Variants in GRIK4 observed in about 807,000 individuals in gnomAD.
The protein encoded by GRIK4 is glutamate ionotropic receptor kainate type subunit 4.
GRIK4 carries 40 observed loss-of-function variants against 104.9 expected under a neutral mutation model. The ratio of observed to expected loss-of-function variants is 0.38; its 90% CI spans 0.30 to 0.50. The LOEUF (loss-of-function observed/expected upper bound fraction) is 0.50. Ranked by LOEUF, GRIK4 falls within the 20% of genes least tolerant of loss-of-function variation. The probability of loss-of-function intolerance (pLI) is 0.93; values close to 1 mark genes in which losing one functional copy is unlikely to be tolerated. For synonymous variants in GRIK4, 485 were observed against 524.9 expected, an observed-to-expected ratio of 0.92 and a Z score of 1.04; for missense variants, 1,047 against 1,308.1, an observed-to-expected ratio of 0.80 and a Z score of 3.08.
chr11:120,541,294 T>G (rs887543088), intron 1 of GRIK4, among the ~76,000 whole-genome samples: 1 of 152,230 alleles, frequency 6.6e-6, no homozygotes, highest in East Asian at 1.9e-4. Context: ...AACAGTTATA[T>G]TGGAGCACTT....
intron 3 of GRIK4, among the ~76,000 whole-genome samples, chr11:120,671,572 GTTGT>G (rs1259015336): frequency 4.1e-4 from 63 of 152,098 alleles, no homozygotes; most frequent in African/African-American, 1.5e-3. Context: ...TTTTGATGGG[GTTGT>G]TTGTTTTTTT....
At chr11:120,728,189 T>G (rs1326658281) in intron 3 of GRIK4, among the ~76,000 whole-genome samples, 1 of 152,096 alleles carries the variant, frequency 6.6e-6, no homozygotes, top group South Asian at 2.1e-4. Context: ...AAGTGACATA[T>G]AGGAGAAAGA....
At chr11:120,825,708 C>T (rs1036896153) in intron 6 of GRIK4, among the ~76,000 whole-genome samples, 9 of 152,204 alleles carry the variant, frequency 5.9e-5, no homozygotes, top group Non-Finnish European at 1.2e-4. Flanking sequence ...CTGTGTGACA[C>T]GGAGCAGGTC....
chr11:120,923,488 C>T (rs1398373080), intron 13 of GRIK4, among the ~76,000 whole-genome samples: 2 of 145,756 alleles, frequency 1.4e-5, no homozygotes, highest in Non-Finnish European at 1.5e-5. Context: ...TCTCGGCTCA[C>T]TGCAAGCTCC....
chr11:120,596,606 C>T (rs992412525), intron 1 of GRIK4, among the ~76,000 whole-genome samples: 1 of 152,190 alleles, frequency 6.6e-6, no homozygotes, highest in Admixed American at 6.5e-5. Flanking sequence ...GTCTCTATGC[C>T]TAAGCCTCTG....
chr11:120,538,227 G>A (rs575247963), intron 1 of GRIK4, among the ~76,000 whole-genome samples: 11 of 152,342 alleles, frequency 7.2e-5, no homozygotes, highest in South Asian at 2.1e-4. Context: ...AGACAGGGCC[G>A]CGCATCACTT....
intron 1 of GRIK4, among the ~76,000 whole-genome samples, chr11:120,568,003 C>A (rs1380836982): frequency 1.3e-5 from 2 of 152,118 alleles, no homozygotes; most frequent in African/African-American, 4.8e-5. Context: ...AACAGGAAGA[C>A]CCTGCCTCTA....
chr11:120,898,458 G>A, intron 11 of GRIK4, 74 bp from the exon 12 acceptor site: 3 of 827,448 alleles, frequency 3.6e-6, no homozygotes, highest in Non-Finnish European at 6.3e-6. Context: ...GCCAGAGGCA[G>A]AGGTCAGCCT....
chr11:120,714,137 T>C (rs1950786275), intron 3 of GRIK4, among the ~76,000 whole-genome samples: 1 of 152,236 alleles, frequency 6.6e-6, no homozygotes, highest in African/African-American at 2.4e-5. Flanking sequence ...AGGACTTAGC[T>C]GTGTTGAGAC....
At chr11:120,914,586 C>T (rs1284151850) in intron 13 of GRIK4, among the ~76,000 whole-genome samples, 2 of 152,024 alleles carry the variant, frequency 1.3e-5, no homozygotes, top group Non-Finnish European at 1.5e-5. Context: ...GTGAGGTGGA[C>T]GGTGAGAAAT....
intron 3 of GRIK4, among the ~76,000 whole-genome samples, chr11:120,691,907 T>G (rs1950370786): frequency 6.6e-6 from 1 of 152,212 alleles, no homozygotes; most frequent in South Asian, 2.1e-4. Context: ...TTCTCCAGTT[T>G]AGAGTATGGG....
intron 18 of GRIK4, 29 bp downstream of exon 18, chr11:120,962,710 G>A: frequency 1.3e-6 from 2 of 1,510,102 alleles, no homozygotes; most frequent in Non-Finnish European, 1.8e-6. Flanking sequence ...GCCTCTTTGG[G>A]TAGCTTTGTC....
At chr11:120,861,093 CTTTTTTTT>C (rs547199127) in intron 8 of GRIK4, among the ~76,000 whole-genome samples, 4 of 86,570 alleles carry the variant, frequency 4.6e-5, no homozygotes, top group African/African-American at 1.3e-4. Context: ...AAATCATCCT[CTTTTTTTT>C]TTTTTTTTTT....
Position 120,986,480 on chromosome 11 carries a change from C to A in GRIK4, c.*220C>A. On this transcript the variant is annotated 3_prime_UTR_variant, in exon 21 of 21. Coordinates refer to ENST00000527524, the MANE Select transcript of GRIK4 (RefSeq NM_014619.5). ...ACCCGGAAACGTTGCACCCAAAGGGCAAAGGACGGCCCTCCCTCCTGGGCA... is the reference window on the plus strand; with the variant it reads ...ACCCGGAAACGTTGCACCCAAAGGGAAAAGGACGGCCCTCCCTCCTGGGCA... 1 of 579,694 alleles carries A rather than the reference C, an allele frequency of 1.7e-6. No individual in the cohort carries two copies. Among genetic ancestry groups the A allele is most frequent in the Non-Finnish European group, 2.8e-6 (1 of 351,888 alleles). 35.9% of individuals were successfully genotyped at this position (579,694 alleles called of 1,614,324 possible). A position where few individuals can be genotyped will look rare whatever the true frequency, so the allele number is the denominator to read the frequency against.
chr11:120,641,876 C>T (rs1311381264), intron 1 of GRIK4, among the ~76,000 whole-genome samples: 1 of 152,194 alleles, frequency 6.6e-6, no homozygotes, highest in Non-Finnish European at 1.5e-5. Context: ...ATTCAAGATG[C>T]AGTTGCTCTG....
At chr11:120,758,045 G>A (rs756948570) in intron 3 of GRIK4, among the ~76,000 whole-genome samples, 9 of 152,094 alleles carry the variant, frequency 5.9e-5, no homozygotes, top group Non-Finnish European at 1.0e-4. Context: ...GGGATCACTT[G>A]GCCCCCAGGT....
chr11:120,690,201 G>T (rs577531943), intron 3 of GRIK4, among the ~76,000 whole-genome samples: 3 of 152,146 alleles, frequency 2.0e-5, no homozygotes, highest in Admixed American at 1.3e-4. Flanking sequence ...CTGCCCTGTC[G>T]TCCTGGTGCG....
chr11:120,892,041 G>C (rs1955316070), intron 11 of GRIK4, among the ~76,000 whole-genome samples: 1 of 152,212 alleles, frequency 6.6e-6, no homozygotes, highest in Non-Finnish European at 1.5e-5. Context: ...GGAGTGGGCT[G>C]CATTCCACCT....
chr11:120,633,908 G>C (rs1021399054), intron 1 of GRIK4, among the ~76,000 whole-genome samples: 4 of 152,224 alleles, frequency 2.6e-5, no homozygotes, highest in African/African-American at 9.6e-5. Context: ...CCTCTGAGCT[G>C]ATGCAAACTG....
Sources: gnomAD v4.1 joint callset for allele counts (sites outside exome capture counted in the v4.1 genomes callset) on GRCh38, gnomAD v4.1.1 for gene constraint, MANE v1.5 for transcripts, NCBI Gene and HGNC (gene_info 2026-07-23, HGNC 2026-07-21) for gene names.